The following GABRB3 variants were observed in gnomAD, a reference collection of about 807,000 sequenced individuals.
GABRB3 encodes gamma-aminobutyric acid receptor subunit beta-3.
In GABRB3, 14 loss-of-function variants were observed where a neutral mutation model predicts 52.1. The observed-to-expected ratio is 0.27, with a 90% CI of 0.18 to 0.42. The LOEUF (loss-of-function observed/expected upper bound fraction) is 0.42. Ranked by LOEUF, GABRB3 falls within the 10% of genes least tolerant of loss-of-function variation. The pLI is 1.00. For synonymous variants in GABRB3, 260 were observed against 232.3 expected, an observed-to-expected ratio of 1.12 and a Z score of -1.08; for missense variants, 307 against 609.1, an observed-to-expected ratio of 0.50 and a Z score of 5.22.
intron 3 of GABRB3, among the ~76,000 whole-genome samples, chr15:26,660,569 G>T (rs1887510832): frequency 6.6e-6 from 1 of 152,190 alleles, no homozygotes; most frequent in South Asian, 2.1e-4. Flanking sequence ...GAAAGTCCAG[G>T]CCTGTTTATC....
rs139172332 is a variant in GABRB3, at chr15:26,745,049, C to T, written c.240+27353G>A. Among the ~76,000 whole-genome samples, 1,024 of 152,122 alleles carry T rather than the reference C, an allele frequency of 6.7e-3. 6 individuals carry two copies. The highest frequency in any genetic ancestry group is 0.01 in the Non-Finnish European group (707 of 67,976). On this transcript the variant is annotated intron_variant, in intron 3 of 8. Coordinates refer to ENST00000311550, the MANE Select transcript of GABRB3 (RefSeq NM_000814.6). Reference sequence around the variant, plus strand: ...GAAGTGGGAGCAGCACATCCCTTGGCGAGAACAGGAGCAAGAGAGTGATTG... The same window carrying T: ...GAAGTGGGAGCAGCACATCCCTTGGTGAGAACAGGAGCAAGAGAGTGATTG...
At chr15:26,754,914 G>C (rs777908142) in intron 3 of GABRB3, among the ~76,000 whole-genome samples, 112 of 151,962 alleles carry the variant, frequency 7.4e-4, no homozygotes, top group Non-Finnish European at 1.4e-3. Flanking sequence ...CAGCCGTGGA[G>C]ATAAAACACA....
chr15:26,580,627 A>G, intron 5 of GABRB3, 171 bp from the exon 6 acceptor site: 1 of 842,886 alleles, frequency 1.2e-6, no homozygotes, highest in Non-Finnish European at 1.9e-6. Flanking sequence ...CAATATTCTC[A>G]TGTTACTGCT....
intron 3 of GABRB3, among the ~76,000 whole-genome samples, chr15:26,759,062 T>C (rs1284773050): frequency 2.0e-5 from 3 of 152,168 alleles, no homozygotes; most frequent in African/African-American, 4.8e-5. Flanking sequence ...TTCCTAAAAC[T>C]TAATAATTTG....
In GABRB3 at chr15:26,764,172, AAAAAAAAATATATATATATATATATATAT is replaced by A. The variant is rs1423989015; in HGVS notation, c.240+8201_240+8229del. On this transcript the variant is annotated intron_variant, in intron 3 of 8. Transcript: ENST00000311550. ...CTCAAAAAAAAAAAAAAAAAAAAAA[AAAAAAAAATATATATATATATATATATAT>A]ATATATATATATATATATATATATA... Among the ~76,000 whole-genome samples, 101 of 17,256 alleles carry A rather than the reference AAAAAAAAATATATATATATATATATATAT, an allele frequency of 5.9e-3. 8 individuals are homozygous for A. Among genetic ancestry groups the A allele is most frequent in the Admixed American group, 0.013 (11 of 856 alleles). 11.3% of individuals were successfully genotyped at this position (17,256 alleles called of 152,430 possible). A position where few individuals can be genotyped will look rare whatever the true frequency, so the allele number is the denominator to read the frequency against.
chr15:26,599,056 C>T (rs1891493937), intron 4 of GABRB3, among the ~76,000 whole-genome samples: 1 of 152,096 alleles, frequency 6.6e-6, no homozygotes, highest in Admixed American at 6.5e-5. Flanking sequence ...CCAGCTTGAC[C>T]CAGGAAGTCA....
intron 3 of GABRB3, among the ~76,000 whole-genome samples, chr15:26,677,571 G>A (rs1372398502): frequency 1.3e-5 from 2 of 152,084 alleles, no homozygotes; most frequent in African/African-American, 4.8e-5. Context: ...AATTTCTGGG[G>A]ATCCAGAAGA....
chr15:26,701,170 A>G (rs1400592427), intron 3 of GABRB3, among the ~76,000 whole-genome samples: 3 of 152,240 alleles, frequency 2.0e-5, no homozygotes, highest in African/African-American at 7.2e-5. Context: ...AAAAAGACTG[A>G]CTGCTTTCCT....
In GABRB3 at chr15:26,628,952, G is replaced by A. The variant is rs748828550; in HGVS notation, c.241-7418C>T. 12 of 1,535,334 alleles carry A rather than the reference G, an allele frequency of 7.8e-6. No individual in the cohort carries two copies. The South Asian group carries it at 1.3e-4, about 17-fold the overall frequency. On this transcript the variant is annotated intron_variant, in intron 3 of 8. Transcript: ENST00000311550. ...AGCGCCTCCACTCCTTGTGACTGCC[G>A]AGAGCCCGCGTCCCCGACTTTTACC...
chr15:26,569,495 A>T (rs1393877975), intron 6 of GABRB3, among the ~76,000 whole-genome samples: 1 of 152,244 alleles, frequency 6.6e-6, no homozygotes, highest in Non-Finnish European at 1.5e-5. Flanking sequence ...GATCCATCAA[A>T]TATCACCACA....
intron 8 of GABRB3, among the ~76,000 whole-genome samples, chr15:26,550,401 A>C (rs1595430709): frequency 6.6e-6 from 1 of 152,182 alleles, no homozygotes; most frequent in Non-Finnish European, 1.5e-5. Context: ...AAAATGCTCA[A>C]TATCACTCAT....
At chr15:26,620,151 T>A (rs1892426361) in intron 4 of GABRB3, among the ~76,000 whole-genome samples, 1 of 152,136 alleles carries the variant, frequency 6.6e-6, no homozygotes, top group Non-Finnish European at 1.5e-5. Context: ...GGCAAAAACA[T>A]AAAATGCTGA....
Position 26,580,172 on chromosome 15 carries a change from G to C in GABRB3, c.682+147C>G, listed in dbSNP as rs542263813. ...CCTATCACTCTCCTTTAGATACAGA[G>C]AGGAGGGGTGTGTGTGATGTGTGAA... On this transcript the variant is annotated intron_variant, in intron 6 of 8. Transcript: ENST00000311550. The C allele has an allele frequency of 9.5e-6, 9 of 945,054 alleles. No homozygotes were observed. In the African/African-American group the frequency reaches 1.1e-4, roughly 12 times the overall value. 58.5% of individuals were successfully genotyped at this position (945,054 alleles called of 1,614,324 possible).
In GABRB3 at chr15:26,585,199, C is replaced by G. The variant is rs114749528; in HGVS notation, c.462-1785G>C. Among the ~76,000 whole-genome samples the G allele has an allele frequency of 1.0e-2, 1,517 of 152,250 alleles. 33 individuals carry two copies. Among genetic ancestry groups the G allele is most frequent in the African/African-American group, 0.035 (1,452 of 41,566 alleles). Reference sequence around the variant, plus strand: ...TGCAGGAGTTGTGTAACTGGCAGTCCTGGCTATGCCCATTCAGTGATGGGG... The same window carrying G: ...TGCAGGAGTTGTGTAACTGGCAGTCGTGGCTATGCCCATTCAGTGATGGGG... On this transcript the variant is annotated intron_variant, in intron 4 of 8. Coordinates refer to ENST00000311550, the MANE Select transcript of GABRB3 (RefSeq NM_000814.6).
intron 3 of GABRB3, among the ~76,000 whole-genome samples, chr15:26,732,545 T>C (rs1422289076): frequency 6.6e-6 from 1 of 150,758 alleles, no homozygotes; most frequent in Non-Finnish European, 1.5e-5. Context: ...CTGAGCAACA[T>C]AGTGAGACCC....
rs539281083 is a variant in GABRB3 at position 26,636,111 on chromosome 15, C to T, written c.241-14577G>A. 7.9e-5 allele frequency among the ~76,000 whole-genome samples: 12 copies of T among 152,340 alleles called. No homozygotes were observed. The South Asian group carries it at 8.3e-4, about 11-fold the overall frequency. ...AGGTAGCCAGACAGGAACTACCATG[C>T]AGGTTTCATACACCCAATCAAGCAC... On this transcript the variant is annotated intron_variant, in intron 3 of 8. Transcript: ENST00000311550.
chr15:26,661,702 G>A (rs1157878605), intron 3 of GABRB3, among the ~76,000 whole-genome samples: 1 of 152,094 alleles, frequency 6.6e-6, no homozygotes. Context: ...ATCGGAAGGG[G>A]TCTTGCAATG....
intron 3 of GABRB3, among the ~76,000 whole-genome samples, chr15:26,743,940 C>T (rs1890273005): frequency 6.6e-6 from 1 of 152,168 alleles, no homozygotes; most frequent in African/African-American, 2.4e-5. Flanking sequence ...TCAACTCTCC[C>T]CGCTAAGTAG....
At chr15:26,619,370 G>A (rs955891238) in intron 4 of GABRB3, among the ~76,000 whole-genome samples, 1 of 151,816 alleles carries the variant, frequency 6.6e-6, no homozygotes, top group African/African-American at 2.4e-5. Flanking sequence ...CCTTTGTAGG[G>A]ACATGGATGA....
Sources: allele counts gnomAD v4.1 joint callset (sites outside exome capture counted in the v4.1 genomes callset), GRCh38; gene constraint gnomAD v4.1.1; transcripts MANE v1.5; gene names NCBI Gene and HGNC (gene_info 2026-07-23, HGNC 2026-07-21).